Variants in ESR1 observed in about 807,000 individuals in gnomAD.
The protein encoded by ESR1 is estrogen receptor 1, also known as estrogen receptor.
In ESR1, 12 loss-of-function variants were observed where a neutral mutation model predicts 52.7. The ratio of observed to expected loss-of-function variants is 0.23; its 90% CI spans 0.15 to 0.37. The LOEUF (loss-of-function observed/expected upper bound fraction) is 0.37, where lower values mean the gene tolerates loss of function less well. Among genes scored for constraint, ESR1 ranks in the 10% least tolerant of loss-of-function variants. ESR1 has a pLI of 1.00. For synonymous variants in ESR1, 305 were observed against 316.8 expected (o/e 0.96, Z 0.39); for missense variants, 584 against 779.7 (o/e 0.75, Z 2.99).
At chr6:152,046,709 T>C (rs62429674) in intron 5 of ESR1, among the ~76,000 whole-genome samples, 18 of 152,234 alleles carry the variant, frequency 1.2e-4, no homozygotes, top group Non-Finnish European at 2.4e-4. Flanking sequence ...TTGATTGTTT[T>C]GAATGTGGGC....
chr6:151,776,126 G>C (rs916085552), intron 2 of ESR1, among the ~76,000 whole-genome samples: 2 of 152,194 alleles, frequency 1.3e-5, no homozygotes, highest in African/African-American at 4.8e-5. Flanking sequence ...CAAGTTCGAG[G>C]AAAGAGGCTG....
chr6:151,839,965 C>A (rs995087845), intron 1 of ESR1, among the ~76,000 whole-genome samples: 6 of 152,098 alleles, frequency 3.9e-5, no homozygotes, highest in Non-Finnish European at 5.9e-5. Flanking sequence ...TTATATATAT[C>A]TTACCACAAT....
At chr6:151,848,707 G>T (rs1021294686) in intron 2 of ESR1, among the ~76,000 whole-genome samples, 3 of 152,052 alleles carry the variant, frequency 2.0e-5, no homozygotes, top group Non-Finnish European at 4.4e-5. Flanking sequence ...ATACAATTGG[G>T]ATCCTAACTC....
chr6:151,805,045 C>A (rs558554550), upstream of ESR1: 1 of 152,112 alleles, frequency 6.6e-6, no homozygotes, highest in Non-Finnish European at 1.5e-5. Flanking sequence ...TTTAATAATA[C>A]GTATTTTTCA....
intron 2 of ESR1, among the ~76,000 whole-genome samples, chr6:151,798,497 A>C (rs906403577): frequency 6.6e-6 from 1 of 152,212 alleles, no homozygotes; most frequent in African/African-American, 2.4e-5. Flanking sequence ...ACTAAAAGTG[A>C]TGTCTTTATT....
chr6:151,774,841 A>G (rs76895542), intron 2 of ESR1, among the ~76,000 whole-genome samples: 4,243 of 152,324 alleles, frequency 0.028, 201 homozygotes, highest in African/African-American at 0.095. Context: ...ATAACCATAC[A>G]TTAAATAACT....
chr6:151,962,167 C>T (rs2037743786), intron 4 of ESR1, among the ~76,000 whole-genome samples: 1 of 152,126 alleles, frequency 6.6e-6, no homozygotes, highest in African/African-American at 2.4e-5. Flanking sequence ...TCTGCTGCTT[C>T]AAGGGAGTCT....
At chr6:151,850,071 T>TAAA (rs1554268208) in intron 2 of ESR1, among the ~76,000 whole-genome samples, 1 of 94,874 alleles carries the variant, frequency 1.1e-5, no homozygotes, top group African/African-American at 4.1e-5. Context: ...TTTATATATA[T>TAAA]ATAAAAAATT....
chr6:151,997,809 AC>A (rs1415069495), intron 4 of ESR1, among the ~76,000 whole-genome samples: 1 of 152,144 alleles, frequency 6.6e-6, no homozygotes, highest in Non-Finnish European at 1.5e-5. Flanking sequence ...GAGAAAAAAC[AC>A]AGAAATAAAA....
At chr6:151,846,346 G>T (rs1333266683) in intron 2 of ESR1, among the ~76,000 whole-genome samples, 9 of 152,158 alleles carry the variant, frequency 5.9e-5, no homozygotes, top group Admixed American at 1.3e-4. Context: ...TTGTTTGTGT[G>T]TATAAAAGGG....
intron 2 of ESR1, among the ~76,000 whole-genome samples, chr6:151,861,173 CTG>C (rs1270575602): frequency 6.6e-6 from 1 of 152,080 alleles, no homozygotes; most frequent in Non-Finnish European, 1.5e-5. Context: ...CTGGGTAAGT[CTG>C]CATTTTCCAT....
intron 3 of ESR1, among the ~76,000 whole-genome samples, chr6:151,908,619 T>C (rs1797800904): frequency 6.6e-6 from 1 of 152,190 alleles, no homozygotes; most frequent in South Asian, 2.1e-4. Flanking sequence ...ATAATTGGTG[T>C]GCATTCCCTA....
intron 3 of ESR1, among the ~76,000 whole-genome samples, chr6:151,908,060 A>G (rs1182344271): frequency 6.6e-6 from 1 of 152,162 alleles, no homozygotes; most frequent in African/African-American, 2.4e-5. Context: ...AGCCCTGGGT[A>G]AGGGGATTAT....
chr6:152,022,007 A>C, intron 5 of ESR1, among the ~76,000 whole-genome samples: 1 of 152,104 alleles, frequency 6.6e-6, no homozygotes, highest in Non-Finnish European at 1.5e-5. Context: ...AGTCTCATGT[A>C]TGTCTTTATC....
At chr6:152,124,276 T>A (rs767212513) in intron 6 of ESR1, among the ~76,000 whole-genome samples, 22 of 152,026 alleles carry the variant, frequency 1.4e-4, no homozygotes, top group Non-Finnish European at 3.1e-4. Context: ...ACCACTGCAC[T>A]CCATCCTGGG....
intron 1 of ESR1, among the ~76,000 whole-genome samples, chr6:151,829,585 A>G (rs528862142): frequency 6.6e-6 from 1 of 152,122 alleles, no homozygotes; most frequent in Non-Finnish European, 1.5e-5. Flanking sequence ...TCTTTTATCC[A>G]TTTTATTTCT....
intron 6 of ESR1, among the ~76,000 whole-genome samples, chr6:152,086,630 C>G (rs1461034230): frequency 1.3e-5 from 2 of 149,930 alleles, no homozygotes; most frequent in African/African-American, 2.5e-5. Context: ...GTAGACGTCA[C>G]TAAAAAATTA....
chr6:152,007,762 C>T (rs955646437), intron 4 of ESR1, among the ~76,000 whole-genome samples: 11 of 152,046 alleles, frequency 7.2e-5, no homozygotes, highest in East Asian at 1.9e-4. Context: ...CAAGTGATGG[C>T]GGGATGAATC....
At chr6:151,814,896 G>A (rs1443671493) in intron 1 of ESR1, among the ~76,000 whole-genome samples, 1 of 152,172 alleles carries the variant, frequency 6.6e-6, no homozygotes, top group East Asian at 1.9e-4. Flanking sequence ...TAACAGTGTA[G>A]TCTTGACTGT....
Sources: allele counts gnomAD v4.1 joint callset (sites outside exome capture counted in the v4.1 genomes callset), GRCh38; gene constraint gnomAD v4.1.1; transcripts MANE v1.5; gene names NCBI Gene and HGNC (gene_info 2026-07-23, HGNC 2026-07-21).